PACSIN2: variants seen among roughly 807,000 people sequenced by gnomAD.
PACSIN2 encodes protein kinase C and casein kinase substrate in neurons protein 2.
In PACSIN2, 25 loss-of-function variants were observed where a neutral mutation model predicts 63.8. The ratio of observed to expected loss-of-function variants is 0.39; its 90% CI spans 0.29 to 0.55. PACSIN2 has a LOEUF of 0.55. Ranked by LOEUF, PACSIN2 falls within the 20% of genes least tolerant of loss-of-function variation. The pLI is 0.62. For missense variants in PACSIN2, 518 were observed against 646.9 expected, an observed-to-expected ratio of 0.80 and a Z score of 2.16; for synonymous variants, 255 against 256.2, an observed-to-expected ratio of 1.00 and a Z score of 0.05.
At chr22:42,962,766 A>T (rs1920926633) in intron 1 of PACSIN2, among the ~76,000 whole-genome samples, 1 of 2,810 alleles carries the variant, frequency 3.6e-4, no homozygotes, top group Non-Finnish European at 7.4e-4. Flanking sequence ...CACAAGAGCA[A>T]GGTGTGGGCG....
chr22:42,964,718 G>A (rs1029985301), intron 1 of PACSIN2, among the ~76,000 whole-genome samples: 11 of 152,054 alleles, frequency 7.2e-5, no homozygotes, highest in African/African-American at 2.4e-4. Context: ...CGGCAGCAGG[G>A]ACGACAAAGT....
chr22:42,886,415 TGTAGGTAGGTAGGTAG>T (rs78395694), intron 5 of PACSIN2, among the ~76,000 whole-genome samples: 9 of 144,986 alleles, frequency 6.2e-5, no homozygotes, highest in South Asian at 2.3e-4. Flanking sequence ...ATGGTATGTA[TGTAGGTAGGTAGGTAG>T]GTAGGTAGGT....
chr22:42,993,440 A>T (rs945401882), intron 1 of PACSIN2, among the ~76,000 whole-genome samples: 2 of 152,194 alleles, frequency 1.3e-5, no homozygotes, highest in Non-Finnish European at 2.9e-5. Flanking sequence ...AACTGTTTCA[A>T]ATTTGAAGGC....
intron 1 of PACSIN2, among the ~76,000 whole-genome samples, chr22:42,954,698 T>A (rs1933842467): frequency 2.0e-5 from 3 of 152,148 alleles, no homozygotes; most frequent in Admixed American, 2.0e-4. Context: ...TTCTGGAGGT[T>A]CAAGTCTGGA....
At chr22:42,926,994 T>TCCAGCCTC (rs1305236858) in intron 1 of PACSIN2, among the ~76,000 whole-genome samples, 1 of 152,178 alleles carries the variant, frequency 6.6e-6, no homozygotes, top group African/African-American at 2.4e-5. Flanking sequence ...CTCTCCTCTT[T>TCCAGCCTC]CCAGCCTCCC....
At chr22:42,884,621 TG>T (rs1929343304) in intron 5 of PACSIN2, 60 bp from the exon 6 acceptor site, 28 of 1,442,892 alleles carry the variant, frequency 1.9e-5, no homozygotes, top group Non-Finnish European at 2.6e-5. Context: ...TGGCTCACCC[TG>T]CCCCTGGAGT....
chr22:42,937,124 T>A (rs1189063811), intron 1 of PACSIN2, among the ~76,000 whole-genome samples: 2 of 152,186 alleles, frequency 1.3e-5, no homozygotes, highest in East Asian at 3.9e-4. Context: ...GGGTCTGTGT[T>A]CTGGCACAGG....
chr22:42,919,454 T>A (rs1256311939), intron 1 of PACSIN2, among the ~76,000 whole-genome samples: 1 of 152,106 alleles, frequency 6.6e-6, no homozygotes, highest in Non-Finnish European at 1.5e-5. Context: ...TGGCACCCAG[T>A]GGTTGACTGA....
chr22:43,001,159 T>C (rs1252421051), intron 1 of PACSIN2, among the ~76,000 whole-genome samples: 4 of 152,044 alleles, frequency 2.6e-5, no homozygotes, highest in Non-Finnish European at 5.9e-5. Flanking sequence ...CCCACCCAAG[T>C]CTAGGGCAGC....
intron 1 of PACSIN2, among the ~76,000 whole-genome samples, chr22:42,997,551 G>A (rs1322971466): frequency 5.4e-5 from 8 of 147,136 alleles, no homozygotes; most frequent in Non-Finnish European, 1.0e-4. Flanking sequence ...GCGAGACTCC[G>A]TCTCAAAAAA....
rs1255875529 is a variant in PACSIN2 at position 42,870,561 on chromosome 22, T to C, written c.*796A>G. The stretch of plus-strand genomic sequence containing the variant: ...TTGAAAAGTTAGTCTTCTTTTTAAC[T>C]CTGAATCAGTGATAAAATTGTTAAT... On this transcript the variant is annotated 3_prime_UTR_variant, in exon 11 of 11. Coordinates refer to ENST00000263246, the MANE Select transcript of PACSIN2 (RefSeq NM_001184970.3). The C allele has an allele frequency of 6.6e-6, 1 of 152,224 alleles. No homozygotes were observed. Among genetic ancestry groups the C allele is most frequent in the Non-Finnish European group, 1.5e-5 (1 of 68,038 alleles). 9.4% of individuals were successfully genotyped at this position (152,224 alleles called of 1,614,324 possible).
intron 2 of PACSIN2, among the ~76,000 whole-genome samples, chr22:42,899,576 T>G (rs1442374992): frequency 6.6e-6 from 1 of 152,126 alleles, no homozygotes; most frequent in Non-Finnish European, 1.5e-5. Context: ...TACAGCACCC[T>G]TTACTGGATA....
At chr22:42,977,123 T>C (rs749270204) in intron 1 of PACSIN2, among the ~76,000 whole-genome samples, 3 of 152,346 alleles carry the variant, frequency 2.0e-5, no homozygotes, top group Middle Eastern at 6.8e-3. Flanking sequence ...ATGAGACTGA[T>C]CTGTAATTTC....
Position 43,004,921 on chromosome 22 carries a change from G to C in PACSIN2, c.-78+10100C>G, listed in dbSNP as rs1249264298. On this transcript the variant is annotated intron_variant, in intron 1 of 10. Transcript: ENST00000263246. ...CTCTTTCTCCTCTAAACAATGAAAA[G>C]GGAAACAAATCAACAAGGCTGTCCT... Among the ~76,000 whole-genome samples the C allele has an allele frequency of 2.2e-4, 34 of 152,176 alleles. 1 individual carries two copies. The highest frequency in any genetic ancestry group is 2.2e-3 in the Admixed American group (34 of 15,280).
In PACSIN2 at chr22:42,871,110, CA is replaced by C. The variant is rs1237750809; in HGVS notation, c.*246del. The C allele has an allele frequency of 7.3e-6, 4 of 548,800 alleles. No individual in the cohort carries two copies. Among genetic ancestry groups the C allele is most frequent in the Admixed American group, 3.1e-5 (1 of 32,368 alleles). The allele number at this position is 548,800 out of a possible 1,614,324, so 34.0% of individuals were successfully genotyped here. On this transcript the variant is annotated 3_prime_UTR_variant, in exon 11 of 11. Transcript: ENST00000263246. This position sits in a 1 kb window ranked among gnomAD's most constrained non-coding sequence, Gnocchi z 5.4. ...GAGATCTATGATAGGCCAACAGGCA[CA>C]GTGGGCGGGGAGGGGCGGCTATTTC...
chr22:42,891,603 T>C lies in PACSIN2; in HGVS notation c.218-421A>G, dbSNP rs1214913566. ...TTTTAGTAGAGACGGGGTTTCACCA[T>C]GTTGGCCAGGCTGGCTGATCTCGAA... On this transcript the variant is annotated intron_variant, in intron 3 of 10. Transcript: ENST00000263246. Among the ~76,000 whole-genome samples, 3 of 152,168 alleles carry C rather than the reference T, an allele frequency of 2.0e-5. No homozygotes were observed. The East Asian group carries it at 5.8e-4, about 29-fold the overall frequency.
intron 2 of PACSIN2, among the ~76,000 whole-genome samples, chr22:42,906,329 T>C (rs1931071525): frequency 6.6e-6 from 1 of 152,254 alleles, no homozygotes; most frequent in Non-Finnish European, 1.5e-5. Flanking sequence ...CTTTCTGCTC[T>C]AATCTCAACG....
At chr22:43,014,543 G>C (rs1268724805) in intron 1 of PACSIN2, among the ~76,000 whole-genome samples, 1 of 151,684 alleles carries the variant, frequency 6.6e-6, no homozygotes, top group African/African-American at 2.4e-5. Flanking sequence ...GCGTTGCTCC[G>C]GCACCCTCGC....
In PACSIN2 at chr22:42,869,949, T is replaced by G. The variant is rs1411382745; in HGVS notation, c.*1408A>C. The G allele has an allele frequency of 2.6e-5, 4 of 152,440 alleles. No individual in the cohort carries two copies. The highest frequency in any genetic ancestry group is 9.6e-5 in the African/African-American group (4 of 41,454). The allele number at this position is 152,440 out of a possible 1,614,324, so 9.4% of individuals were successfully genotyped here. On this transcript the variant is annotated 3_prime_UTR_variant, in exon 11 of 11. Transcript: ENST00000263246. ...AGGTCCACTTTCCAAGCAAGACATC[T>G]GCTCACTGGAAACGGAGTGAATGCA...
Sources: gnomAD v4.1 joint callset for allele counts (sites outside exome capture counted in the v4.1 genomes callset) on GRCh38, gnomAD v4.1.1 for gene constraint, Gnocchi (gnomAD v3.1) non-coding constraint, MANE v1.5 for transcripts, NCBI Gene and HGNC (gene_info 2026-07-23, HGNC 2026-07-21) for gene names.